Variants in NOX4 observed in about 807,000 individuals in gnomAD.
NOX4 encodes the protein NADPH oxidase 4.
Under a neutral mutation model 87.6 loss-of-function variants are expected in NOX4, and 69 were observed. The ratio of observed to expected loss-of-function variants is 0.79; its 90% CI spans 0.65 to 0.96. The LOEUF is 0.96. NOX4 is among the 40% of genes least tolerant of loss of function. NOX4 has a pLI of 0.00. For missense variants in NOX4, 680 were observed against 681.5 expected, an observed-to-expected ratio of 1.00 and a Z score of 0.02; for synonymous variants, 275 against 238.2, an observed-to-expected ratio of 1.15 and a Z score of -1.42.
At chr11:89,453,043 C>CA in intron 2 of NOX4, among the ~76,000 whole-genome samples, 1 of 151,750 alleles carries the variant, frequency 6.6e-6, no homozygotes, top group East Asian at 1.9e-4. Context: ...GACTCTGTCT[C>CA]AAAAAATAAA....
At chr11:89,430,565 C>A (rs1420436890) in intron 7 of NOX4, among the ~76,000 whole-genome samples, 1 of 152,038 alleles carries the variant, frequency 6.6e-6, no homozygotes, top group Non-Finnish European at 1.5e-5. Flanking sequence ...CAATAACAGA[C>A]AAACAGAGAG....
intron 7 of NOX4, among the ~76,000 whole-genome samples, chr11:89,428,819 T>C (rs1013836772): frequency 5.9e-5 from 9 of 151,984 alleles, no homozygotes; most frequent in African/African-American, 2.2e-4. Flanking sequence ...GACAGAAAGT[T>C]AACAAGGATA....
At chr11:89,348,428 A>G (rs1946310175) in intron 13 of NOX4, among the ~76,000 whole-genome samples, 1 of 151,596 alleles carries the variant, frequency 6.6e-6, no homozygotes, top group South Asian at 2.1e-4. Flanking sequence ...AAAACAAAAA[A>G]AAACCTATGT....
the NOX4 span, among the ~76,000 whole-genome samples, chr11:89,560,996 C>CTCTCTCTCTATATATATA: frequency 9.8e-5 from 4 of 40,804 alleles, no homozygotes; most frequent in African/African-American, 5.2e-4. Flanking sequence ...CTCTCTCTCT[C>CTCTCTCTCTATATATATA]TATATATATA....
At chr11:89,391,581 C>T (rs964964932) in intron 11 of NOX4, among the ~76,000 whole-genome samples, 8 of 151,140 alleles carry the variant, frequency 5.3e-5, no homozygotes, top group Non-Finnish European at 1.2e-4. Flanking sequence ...CATAGCGAGG[C>T]CCTATCTCTA....
chr11:89,334,612 C>T (rs536024877), intron 17 of NOX4, among the ~76,000 whole-genome samples: 3 of 151,540 alleles, frequency 2.0e-5, no homozygotes, highest in Admixed American at 2.0e-4. Context: ...AAAAAATATC[C>T]ATTTAATAAG....
chr11:89,419,324 A>C (rs1363130634), intron 8 of NOX4, among the ~76,000 whole-genome samples: 1 of 152,116 alleles, frequency 6.6e-6, no homozygotes, highest in Non-Finnish European at 1.5e-5. Context: ...AAGTTGAAGA[A>C]CAAAGTTATC....
the NOX4 span, among the ~76,000 whole-genome samples, chr11:89,546,880 C>T: frequency 6.6e-6 from 1 of 151,970 alleles, no homozygotes; most frequent in Non-Finnish European, 1.5e-5. Flanking sequence ...CAAGGTCTCA[C>T]CTCTCAACAT....
At chr11:89,495,043 G>A (rs1215499472), upstream of NOX4, among the ~76,000 whole-genome samples, 2 of 152,176 alleles carry the variant, frequency 1.3e-5, no homozygotes, top group Non-Finnish European at 2.9e-5. Flanking sequence ...CCCAAGCTCA[G>A]GTGATCTTCT....
intron 4 of NOX4, among the ~76,000 whole-genome samples, chr11:89,446,902 T>G (rs1229888693): frequency 6.6e-6 from 1 of 152,122 alleles, no homozygotes; most frequent in African/African-American, 2.4e-5. Flanking sequence ...TTAATGTAAA[T>G]TTATCAATTG....
chr11:89,479,615 G>T (rs1946308458), intron 2 of NOX4, among the ~76,000 whole-genome samples: 1 of 151,982 alleles, frequency 6.6e-6, no homozygotes, highest in South Asian at 2.1e-4. Flanking sequence ...TCCTTTCATG[G>T]GTTCCCATAT....
chr11:89,334,938 T>A (rs1288878755), intron 17 of NOX4, among the ~76,000 whole-genome samples: 1 of 151,766 alleles, frequency 6.6e-6, no homozygotes, highest in Non-Finnish European at 1.5e-5. Context: ...AGAAAAAGAA[T>A]GATGTAAAAC....
chr11:89,355,312 A>G lies in NOX4; in HGVS notation c.1136-269T>C, dbSNP rs147000027. 4.3e-3 allele frequency among the ~76,000 whole-genome samples: 637 copies of G among 147,762 alleles called. 9 individuals are homozygous for G. Among genetic ancestry groups the G allele is most frequent in the African/African-American group, 0.015 (618 of 40,774 alleles). On this transcript the variant is annotated intron_variant, in intron 12 of 17. Coordinates refer to ENST00000263317, the MANE Select transcript of NOX4 (RefSeq NM_016931.5). The stretch of plus-strand genomic sequence containing the variant: ...AGGATAAATAGGTATAAATATATAA[A>G]TAATATATATTCATATATATATTTT...
intron 12 of NOX4, among the ~76,000 whole-genome samples, chr11:89,370,515 C>T (rs1591045298): frequency 6.6e-6 from 1 of 151,976 alleles, no homozygotes; most frequent in South Asian, 2.1e-4. Context: ...ATTAACAAAA[C>T]ATTTTTGTAC....
At chr11:89,428,710 T>C (rs1373364411) in intron 7 of NOX4, among the ~76,000 whole-genome samples, 2 of 152,122 alleles carry the variant, frequency 1.3e-5, no homozygotes, top group Non-Finnish European at 2.9e-5. Context: ...CCCAGATTCA[T>C]AAAGCAAGTC....
chr11:89,384,637 T>C (rs972055865), intron 11 of NOX4, among the ~76,000 whole-genome samples: 1 of 152,004 alleles, frequency 6.6e-6, no homozygotes, highest in African/African-American at 2.4e-5. Context: ...CCTAAATCCT[T>C]TCTCCACTCC....
chr11:89,438,045 C>G (rs1035500667), intron 6 of NOX4, among the ~76,000 whole-genome samples: 2 of 151,288 alleles, frequency 1.3e-5, no homozygotes, highest in East Asian at 1.9e-4. Context: ...CAAGTCTTTC[C>G]CAGACACACA....
the NOX4 span, among the ~76,000 whole-genome samples, chr11:89,537,359 T>C: frequency 6.6e-6 from 1 of 151,826 alleles, no homozygotes; most frequent in Non-Finnish European, 1.5e-5. Context: ...TATATCTTTT[T>C]ATAATCTCTC....
chr11:89,490,545 C>A lies in NOX4; in HGVS notation c.66G>T (p.Trp22Cys), dbSNP rs770180999. ...AGAAAAGCAGGACATTCATGGAGAG[C>A]CAGATGAACTAAACCAATCAGACAT... ...EGVKHLCLFI[W>C]LSMNVLLFWK... The change falls in exon 2 of 18, where the codon TGG becomes TGT. Residue 22 changes from tryptophan (W) to cysteine (C), a missense_variant. Physicochemically the swap from Trp to Cys is radical, Grantham distance 215. Transcript: ENST00000263317. 2 of 1,613,184 alleles carry A rather than the reference C, an allele frequency of 1.2e-6. No homozygotes were observed. Among genetic ancestry groups the A allele is most frequent in the Non-Finnish European group, 1.7e-6 (2 of 1,179,352 alleles).
Sources: gnomAD v4.1 joint callset for allele counts (sites outside exome capture counted in the v4.1 genomes callset) on GRCh38, gnomAD v4.1.1 for gene constraint, MANE v1.5 for transcripts, NCBI Gene and HGNC (gene_info 2026-07-23, HGNC 2026-07-21) for gene names.